MYO6: variants seen among roughly 807,000 people sequenced by gnomAD.
MYO6 encodes the protein myosin VI, also known as unconventional myosin-VI.
MYO6 carries 74 observed loss-of-function variants against 178.7 expected under a neutral mutation model. That is an observed-to-expected ratio of 0.41 (90% CI 0.34 to 0.50). The LOEUF (loss-of-function observed/expected upper bound fraction) is 0.50, where lower values mean the gene tolerates loss of function less well. MYO6 is among the 20% of genes least tolerant of loss of function. MYO6 has a pLI of 0.09. For synonymous variants in MYO6, 477 were observed against 504.6 expected (o/e 0.95, Z 0.73); for missense variants, 1,330 against 1,547.4 (o/e 0.86, Z 2.36).
At chr6:75,833,433 A>G (rs1773330038) in intron 6 of MYO6, among the ~76,000 whole-genome samples, 1 of 152,242 alleles carries the variant, frequency 6.6e-6, no homozygotes, top group African/African-American at 2.4e-5. Context: ...CATCTTGGAA[A>G]ACTAAAACTT....
intron 30 of MYO6, among the ~76,000 whole-genome samples, chr6:75,906,436 G>A (rs1413761411): frequency 1.3e-5 from 2 of 152,198 alleles, no homozygotes; most frequent in African/African-American, 4.8e-5. Flanking sequence ...AGCACTTTGG[G>A]AGGCTGAGGT....
intron 8 of MYO6, 79 bp downstream of exon 8, chr6:75,840,761 C>G: frequency 9.8e-7 from 1 of 1,023,586 alleles, no homozygotes; most frequent in Non-Finnish European, 1.5e-6. Flanking sequence ...GCTGTATTTG[C>G]ACTTAATGGT....
At position 75,844,913 on chromosome 6, in the gene MYO6, GCA is replaced by G; in HGVS notation, c.835_836del (p.Thr279Ter). On this transcript the variant is annotated frameshift_variant, in exon 10 of 35. Transcript: ENST00000369977. LOFTEE classifies it high-confidence loss of function. Reference sequence around the variant, plus strand: ...TTGTCATAGTATTTAAACCGAGGCTGCACTAGATACTTTGCTAACAAAGAAAC... The same window carrying G: ...TTGTCATAGTATTTAAACCGAGGCTGCTAGATACTTTGCTAACAAAGAAAC... The G allele has an allele frequency of 6.2e-7, 1 of 1,612,412 alleles. No individual in the cohort carries two copies. The highest frequency in any genetic ancestry group is 1.1e-5 in the South Asian group (1 of 91,024).
At chr6:75,787,724 C>CTATATATATA (rs1562158496) in intron 1 of MYO6, among the ~76,000 whole-genome samples, 2 of 24,420 alleles carry the variant, frequency 8.2e-5, no homozygotes, top group African/African-American at 1.7e-4. Context: ...CTCTCTCTCT[C>CTATATATATA]TCTCTCTATA....
chr6:75,834,122 C>T (rs1310479972), intron 6 of MYO6, among the ~76,000 whole-genome samples: 1 of 152,154 alleles, frequency 6.6e-6, no homozygotes, highest in African/African-American at 2.4e-5. Context: ...TAATTTGCCT[C>T]CTTATTTCTA....
intron 1 of MYO6, among the ~76,000 whole-genome samples, chr6:75,786,271 G>A (rs1459260351): frequency 6.6e-6 from 1 of 152,038 alleles, no homozygotes; most frequent in East Asian, 1.9e-4. Context: ...TCCTTGGTCT[G>A]TCTGTTCATG....
rs71561441 is a variant in MYO6, at chr6:75,767,612, C to T, written c.-48+18189C>T. ...TCAGCTCATTGCAGTCTCTGTCTTC[C>T]GGGCTTAAGCGATCCTCCCACCCCA... is the stretch of plus-strand genomic sequence containing the variant. On this transcript the variant is annotated intron_variant, in intron 1 of 34. Transcript: ENST00000369977. 9.4e-4 allele frequency among the ~76,000 whole-genome samples: 141 copies of T among 150,038 alleles called. 1 individual carries two copies. The highest frequency in any genetic ancestry group is 1.7e-3 in the Non-Finnish European group (114 of 67,676).
chr6:75,907,744 T>G (rs1780439471), intron 31 of MYO6, 36 bp downstream of exon 31: 1 of 1,521,030 alleles, frequency 6.6e-7, no homozygotes, highest in African/African-American at 1.4e-5. Context: ...TAGAAAATGT[T>G]CATAGTGATA....
At chr6:75,854,275 CTTTTTTTTTTT>C (rs61398235) in intron 11 of MYO6, among the ~76,000 whole-genome samples, 128 of 45,500 alleles carry the variant, frequency 2.8e-3, no homozygotes, top group African/African-American at 0.014. Flanking sequence ...AACTGCATTG[CTTTTTTTTTTT>C]TTTTTTTTTT....
At chr6:75,879,985 A>G in intron 21 of MYO6, 35 bp downstream of exon 21, 6 of 1,613,822 alleles carry the variant, frequency 3.7e-6, no homozygotes, top group Non-Finnish European at 4.2e-6. Context: ...TTTCTTAGCT[A>G]TGAACTTGTC....
chr6:75,771,206 T>A (rs760107355), intron 1 of MYO6, among the ~76,000 whole-genome samples: 2 of 152,084 alleles, frequency 1.3e-5, no homozygotes, highest in Non-Finnish European at 2.9e-5. Context: ...TTCATCATGT[T>A]GTCCAGGCTT....
At chr6:75,829,233 C>T (rs1772818245) in intron 4 of MYO6, among the ~76,000 whole-genome samples, 1 of 152,074 alleles carries the variant, frequency 6.6e-6, no homozygotes, top group Non-Finnish European at 1.5e-5. Context: ...AAGGTTTACA[C>T]CAAATCATTC....
At chr6:75,857,393 A>G in intron 13 of MYO6, 139 bp downstream of exon 13, 2 of 870,688 alleles carry the variant, frequency 2.3e-6, no homozygotes, top group Non-Finnish European at 3.7e-6. Context: ...ACATTTCATA[A>G]TATGACCTAG....
intron 1 of MYO6, among the ~76,000 whole-genome samples, chr6:75,766,907 A>G (rs1778468298): frequency 6.6e-6 from 1 of 152,210 alleles, no homozygotes; most frequent in African/African-American, 2.4e-5. Context: ...AATAATTTGA[A>G]AATTTGAAAT....
chr6:75,895,898 T>G (rs1779265993), intron 29 of MYO6, among the ~76,000 whole-genome samples: 1 of 152,148 alleles, frequency 6.6e-6, no homozygotes, highest in South Asian at 2.1e-4. Context: ...TAATAAAATA[T>G]TTGATTTTCA....
At chr6:75,878,400 T>C (rs943381551) in intron 20 of MYO6, among the ~76,000 whole-genome samples, 4 of 152,190 alleles carry the variant, frequency 2.6e-5, no homozygotes, top group African/African-American at 9.6e-5. Context: ...TGAAAAATCA[T>C]AGAATAGATT....
intron 1 of MYO6, among the ~76,000 whole-genome samples, chr6:75,768,347 A>G (rs1230871064): frequency 2.9e-5 from 2 of 68,866 alleles, no homozygotes; most frequent in Non-Finnish European, 5.6e-5. Context: ...ATTTTATTTT[A>G]TTTTATTTTA....
chr6:75,909,770 A>G (rs182729362), intron 32 of MYO6, among the ~76,000 whole-genome samples: 18 of 152,296 alleles, frequency 1.2e-4, no homozygotes, highest in Admixed American at 1.2e-3. Flanking sequence ...CCTAAGCGGT[A>G]TATTCCCAAC....
chr6:75,815,477 C>T (rs1381236170), intron 1 of MYO6, among the ~76,000 whole-genome samples: 1 of 152,180 alleles, frequency 6.6e-6, no homozygotes, highest in Admixed American at 6.5e-5. Flanking sequence ...ATCACTCATA[C>T]ATAAATGGTA....
Sources: allele counts gnomAD v4.1 joint callset (sites outside exome capture counted in the v4.1 genomes callset), GRCh38; gene constraint gnomAD v4.1.1; transcripts MANE v1.5; gene names NCBI Gene and HGNC (gene_info 2026-07-23, HGNC 2026-07-21).